ABCA10: variants seen among roughly 807,000 people sequenced by gnomAD.
ABCA10 encodes the protein ATP-binding cassette sub-family A member 10.
A neutral mutation model predicts 187.5 loss-of-function variants in ABCA10; 169 were observed. The observed-to-expected ratio is 0.90, with a 90% confidence interval of 0.80 to 1.02. The LOEUF is 1.02. ABCA10 is among the 50% of genes least tolerant of loss of function. The pLI is 0.00. For missense variants in ABCA10, 1,727 were observed against 1,812.4 expected (o/e 0.95, Z 0.86); for synonymous variants, 574 against 601.8 (o/e 0.95, Z 0.68).
At chr17:69,235,807 C>A (rs937979433) in intron 1 of ABCA10, among the ~76,000 whole-genome samples, 2 of 151,782 alleles carry the variant, frequency 1.3e-5, no homozygotes, top group Non-Finnish European at 2.9e-5. Context: ...AAAAACAAAA[C>A]CTTAATTTTA....
chr17:69,188,977 T>C (rs578242534), intron 18 of ABCA10, among the ~76,000 whole-genome samples: 3 of 152,288 alleles, frequency 2.0e-5, no homozygotes, highest in Non-Finnish European at 4.4e-5. Flanking sequence ...CTATTGTGCA[T>C]AGTGCTGCAA....
chr17:69,156,776 T>G, intron 28 of ABCA10, 56 bp downstream of exon 28: 1 of 1,097,766 alleles, frequency 9.1e-7, no homozygotes, highest in Non-Finnish European at 1.2e-6. Flanking sequence ...AAATTATAAA[T>G]TTAAAAAGAC....
chr17:69,182,859 A>ATCAAAG (rs760980720), intron 20 of ABCA10, 51 bp from the exon 21 acceptor site: 79 of 1,534,114 alleles, frequency 5.1e-5, no homozygotes, highest in Non-Finnish European at 6.6e-5. Flanking sequence ...AAGCAAGAAA[A>ATCAAAG]TCAAAGTCAA....
intron 9 of ABCA10, among the ~76,000 whole-genome samples, chr17:69,210,646 C>T (rs1326913684): frequency 6.6e-6 from 1 of 151,860 alleles, no homozygotes; most frequent in Non-Finnish European, 1.5e-5. Flanking sequence ...TTAGCTCCCA[C>T]TTATAAGCAA....
intron 27 of ABCA10, among the ~76,000 whole-genome samples, chr17:69,157,811 A>G (rs1208662698): frequency 6.7e-6 from 1 of 149,872 alleles, no homozygotes; most frequent in Non-Finnish European, 1.5e-5. Flanking sequence ...AGTCCACAGG[A>G]AAAAAAAAAT....
In ABCA10 at chr17:69,187,680, C is replaced by A; in HGVS notation, c.2330+1G>T. On this transcript the variant is annotated splice_donor_variant, in intron 19 of 38. Coordinates refer to ENST00000690296, the MANE Select transcript of ABCA10 (RefSeq NM_001377321.1). LOFTEE classifies it high-confidence loss of function. Reference sequence around the variant, plus strand: ...TAGATATAAAGTAATCTGATACTCACAAACACAAAAGAGCTCTCCTTTCAC... The same window carrying A: ...TAGATATAAAGTAATCTGATACTCAAAAACACAAAAGAGCTCTCCTTTCAC... 4 of 1,613,106 alleles carry A rather than the reference C, an allele frequency of 2.5e-6. No homozygotes were observed. Among genetic ancestry groups the A allele is most frequent in the Non-Finnish European group, 3.4e-6 (4 of 1,179,256 alleles).
intron 27 of ABCA10, among the ~76,000 whole-genome samples, chr17:69,161,839 G>A (rs938895355): frequency 6.6e-6 from 1 of 152,154 alleles, no homozygotes; most frequent in Non-Finnish European, 1.5e-5. Context: ...TGAAATCATC[G>A]ATGCTGTAAA....
intron 9 of ABCA10, among the ~76,000 whole-genome samples, chr17:69,204,464 T>C (rs953013229): frequency 1.3e-5 from 2 of 152,218 alleles, no homozygotes; most frequent in South Asian, 4.1e-4. Context: ...CAAGATAAAC[T>C]TACCTATCCT....
Position 69,165,523 on chromosome 17 carries a change from G to T in ABCA10, c.3163-440C>A, listed in dbSNP as rs1271768983. 2.6e-5 allele frequency among the ~76,000 whole-genome samples: 4 copies of T among 152,102 alleles called. No individual in the cohort carries two copies. In the East Asian group the frequency reaches 7.7e-4, roughly 29 times the overall value. Reference sequence around the variant, plus strand: ...GAGAAATGTAAGAATTATCAGTCTTGATATCCAAGGTAGGAATATTGAACA... The same window carrying T: ...GAGAAATGTAAGAATTATCAGTCTTTATATCCAAGGTAGGAATATTGAACA... On this transcript the variant is annotated intron_variant, in intron 25 of 38. Transcript: ENST00000690296.
intron 25 of ABCA10, among the ~76,000 whole-genome samples, chr17:69,173,594 G>A (rs1041075777): frequency 6.6e-6 from 1 of 152,158 alleles, no homozygotes; most frequent in South Asian, 2.1e-4. Flanking sequence ...TGAGCCTGGG[G>A]AGAGAGTTTT....
chr17:69,175,616 C>T, intron 22 of ABCA10, 103 bp from the exon 23 acceptor site: 1 of 876,972 alleles, frequency 1.1e-6, no homozygotes, highest in Admixed American at 3.3e-5. Flanking sequence ...TAGAAGCATT[C>T]ACCTGATTTA....
intron 36 of ABCA10, 74 bp downstream of exon 36, chr17:69,151,969 A>G: frequency 6.5e-7 from 1 of 1,542,954 alleles, no homozygotes; most frequent in Non-Finnish European, 8.7e-7. Flanking sequence ...TCCGGTTTAG[A>G]CTAGCACAAA....
At chr17:69,236,630 AC>A (rs1195523671) in intron 1 of ABCA10, among the ~76,000 whole-genome samples, 3 of 152,196 alleles carry the variant, frequency 2.0e-5, no homozygotes, top group African/African-American at 4.8e-5. Flanking sequence ...ATTAAAACAA[AC>A]TTTTCCACTG....
At chr17:69,206,969 A>G (rs2074596665) in intron 9 of ABCA10, among the ~76,000 whole-genome samples, 1 of 152,198 alleles carries the variant, frequency 6.6e-6, no homozygotes, top group Non-Finnish European at 1.5e-5. Flanking sequence ...AGGAATCAAC[A>G]GAGTAATTAG....
At chr17:69,217,345 TG>T (rs1399225340) in intron 6 of ABCA10, among the ~76,000 whole-genome samples, 1 of 152,152 alleles carries the variant, frequency 6.6e-6, no homozygotes, top group Admixed American at 6.5e-5. Flanking sequence ...TGAAAATCTC[TG>T]GAAGTAGATG....
At position 69,154,305 on chromosome 17, in the gene ABCA10, C is replaced by G. The variant is rs2074156149; in HGVS notation, c.3716G>C (p.Gly1239Ala). The change falls in exon 31 of 39, where the codon GGA (glycine) becomes GCA (alanine). Residue 1239 changes from glycine (G) to alanine (A), a missense_variant. Transcript: ENST00000690296. The part of the protein sequence containing the change: ...VKKGEVLGLL[G>A]HNGAGKSTSI... The stretch of plus-strand genomic sequence containing the variant: ...AGTACTTTTACCAGCTCCATTGTGT[C>G]CTAGTAATCCCAAAACTTCACCTGG... The G allele has an allele frequency of 3.1e-6, 5 of 1,604,234 alleles. No homozygotes were observed. In the East Asian group the frequency reaches 1.1e-4, roughly 36 times the overall value.
chr17:69,182,468 T>C (rs1007176659), intron 21 of ABCA10, among the ~76,000 whole-genome samples, 178 bp from the exon 22 acceptor site: 3 of 152,294 alleles, frequency 2.0e-5, no homozygotes, highest in Non-Finnish European at 2.9e-5. Context: ...TCAAGTGACT[T>C]GTTTTGTAAA....
chr17:69,182,270 C>G lies in ABCA10; in HGVS notation c.2652G>C (p.Ala884=). 6.4e-7 allele frequency: 1 copy of G among 1,564,152 alleles called. No homozygotes were observed. The highest frequency in any genetic ancestry group is 8.7e-7 in the Non-Finnish European group (1 of 1,154,772). ...AACAATTCAATTTCTTGGTATTACA[C>G]GCAACAGAAAATCTGTAATCCTTGA... ...GDQKDYRFSV[A]CNTKKLNCFP... is the part of the protein sequence containing the mutation. Residue 884 remains alanine, a synonymous_variant, in exon 22 of 39, where the codon GCG becomes GCC. Coordinates refer to ENST00000690296, the MANE Select transcript of ABCA10 (RefSeq NM_001377321.1).
intron 18 of ABCA10, among the ~76,000 whole-genome samples, chr17:69,189,472 G>A (rs1232418063): frequency 3.9e-5 from 6 of 152,188 alleles, no homozygotes; most frequent in African/African-American, 1.4e-4. Flanking sequence ...TCTGTATGTT[G>A]TCTGTTTACT....
Sources: gnomAD v4.1 joint callset for allele counts (sites outside exome capture counted in the v4.1 genomes callset) on GRCh38, gnomAD v4.1.1 for gene constraint, MANE v1.5 for transcripts, NCBI Gene and HGNC (gene_info 2026-07-23, HGNC 2026-07-21) for gene names.